The following CADM4 variants were observed in gnomAD, a reference collection of about 807,000 sequenced individuals.
CADM4 encodes the protein TSLC1-like 2.
CADM4 carries 13 observed loss-of-function variants against 43.9 expected under a neutral mutation model. That is an observed-to-expected ratio of 0.30 (90% CI 0.19 to 0.47). CADM4 has a LOEUF of 0.47. CADM4 is among the 20% of genes least tolerant of loss of function. CADM4 has a pLI of 1.00. For synonymous variants in CADM4, 209 were observed against 220.9 expected (o/e 0.95, Z 0.48); for missense variants, 420 against 527.0 (o/e 0.80, Z 1.99).
Position 43,639,737 on chromosome 19 carries a change from C to A in CADM4, c.54G>T (p.Ala18=), listed in dbSNP as rs1246353397. 9.9e-7 allele frequency: 1 copy of A among 1,013,424 alleles called. No individual in the cohort carries two copies. Among genetic ancestry groups the A allele is most frequent in the South Asian group, 3.6e-5 (1 of 27,720 alleles). The allele number at this position is 1,013,424 out of a possible 1,614,324, so 62.8% of individuals were successfully genotyped here. ...GGCCCCCGACCCTACCTGGCCCCGC[C>A]GCGGCCGCCCACAGCAGCAGCAGCG... ...QWPLLLLWAA[A]AGPGAGQEVQ... The change falls in exon 1 of 9, where the codon GCG becomes GCT. Residue 18 remains alanine (A), a synonymous_variant. Transcript: ENST00000222374.
At chr19:43,632,515 T>TC (rs1973640708) in intron 1 of CADM4, among the ~76,000 whole-genome samples, 1 of 152,100 alleles carries the variant, frequency 6.6e-6, no homozygotes, top group Non-Finnish European at 1.5e-5. Flanking sequence ...CCCGGGGACT[T>TC]CAAGGTGCTA....
chr19:43,638,679 A>C (rs1289044416), intron 1 of CADM4, among the ~76,000 whole-genome samples: 1 of 152,180 alleles, frequency 6.6e-6, no homozygotes, highest in Non-Finnish European at 1.5e-5. Context: ...GGCTCCCTGG[A>C]TGTCCTGGAC....
chr19:43,627,794 G>A lies in CADM4; in HGVS notation c.65-4C>T. On this transcript the variant is annotated splice_polypyrimidine_tract_variant and splice_region_variant and intron_variant, in intron 1 of 8. Transcript: ENST00000222374. This position sits in a 1 kb window ranked among gnomAD's most constrained non-coding sequence, Gnocchi z 4.0. ...GTCTGTACTTCCTGTCCTGCCCCTG[G>A]ACGATTAGACAAAGAGACAGGATAG... 6.2e-7 allele frequency: 1 copy of A among 1,603,228 alleles called. No homozygotes were observed. Among genetic ancestry groups the A allele is most frequent in the South Asian group, 1.1e-5 (1 of 90,804 alleles).
chr19:43,638,163 G>A (rs532018803), intron 1 of CADM4, among the ~76,000 whole-genome samples: 1 of 152,340 alleles, frequency 6.6e-6, no homozygotes, highest in South Asian at 2.1e-4. Flanking sequence ...TGAGAGGACA[G>A]CTTTGCCCCT....
rs1973506617 is a variant in CADM4 at position 43,625,333 on chromosome 19, ACT to A, written c.756-85_756-84del. On this transcript the variant is annotated intron_variant, in intron 6 of 8. Transcript: ENST00000222374. The surrounding 1 kb of genome is among the most constrained non-coding windows in gnomAD (Gnocchi z 4.5). ...GACTTGTCAAGAATCTAGACATGCAACTCTCATCCCGCAGGGACCTCCAAATA... is the reference window on the plus strand; with the variant it reads ...GACTTGTCAAGAATCTAGACATGCAACTCATCCCGCAGGGACCTCCAAATA... 4.0e-5 allele frequency: 55 copies of A among 1,385,136 alleles called. No individual in the cohort carries two copies. The highest frequency in any genetic ancestry group is 5.3e-5 in the Non-Finnish European group (54 of 1,020,160). 85.8% of individuals were successfully genotyped at this position (1,385,136 alleles called of 1,614,324 possible).
chr19:43,632,222 T>C (rs866962451), intron 1 of CADM4, among the ~76,000 whole-genome samples: 16 of 152,242 alleles, frequency 1.1e-4, no homozygotes, highest in African/African-American at 3.6e-4. Context: ...CCAATATCCA[T>C]TCCATCAGCA....
upstream of CADM4, chr19:43,639,888 C>G (rs1386534375): frequency 9.8e-5 from 75 of 768,272 alleles, no homozygotes; most frequent in Admixed American, 1.3e-4. Context: ...CCTGCCCGCC[C>G]GGGGGCGGGG....
intron 1 of CADM4, among the ~76,000 whole-genome samples, chr19:43,628,719 C>A (rs1314124291): frequency 1.3e-5 from 2 of 152,210 alleles, no homozygotes; most frequent in African/African-American, 2.4e-5. Context: ...CCTGAAGAGG[C>A]CTTGTAGCTT....
At position 43,626,007 on chromosome 19, in the gene CADM4, A is replaced by C; in HGVS notation, c.665-6T>G. 6.2e-7 allele frequency: 1 copy of C among 1,614,154 alleles called. No homozygotes were observed. Among genetic ancestry groups the C allele is most frequent in the Non-Finnish European group, 8.5e-7 (1 of 1,180,014 alleles). On this transcript the variant is annotated splice_polypyrimidine_tract_variant and splice_region_variant and intron_variant, in intron 5 of 8. Coordinates refer to ENST00000222374, the MANE Select transcript of CADM4 (RefSeq NM_145296.2). This position sits in a 1 kb window ranked among gnomAD's most constrained non-coding sequence, Gnocchi z 5.9. ...AATCCGGGCCGTGGGGGAGTCTGTTAGGCAAAAGTAAGAGGAGAGAGTAGT... is the reference window on the plus strand; with the variant it reads ...AATCCGGGCCGTGGGGGAGTCTGTTCGGCAAAAGTAAGAGGAGAGAGTAGT...
intron 1 of CADM4, among the ~76,000 whole-genome samples, chr19:43,629,282 G>A (rs1292166566): frequency 3.3e-5 from 5 of 152,108 alleles, no homozygotes; most frequent in Admixed American, 6.6e-5. Context: ...CCCATGACCC[G>A]CCTGTATAGG....
chr19:43,637,241 C>T (rs368777716), intron 1 of CADM4, among the ~76,000 whole-genome samples: 54 of 152,250 alleles, frequency 3.5e-4, no homozygotes, highest in South Asian at 1.5e-3. Context: ...CCATCTCCCC[C>T]GATTCCTGCT....
intron 1 of CADM4, among the ~76,000 whole-genome samples, chr19:43,637,219 C>T (rs762086057): frequency 6.6e-6 from 1 of 152,004 alleles, no homozygotes; most frequent in Non-Finnish European, 1.5e-5. Flanking sequence ...TTTAAAATGG[C>T]GCAAATGCAC....
Position 43,625,052 on chromosome 19 carries a change from CTCAGTCGG to C in CADM4, c.928+18_928+25del. ...CGCCACCTGGCGCCCCGCCCCCGCCCTCAGTCGGCCGCAGCCTGCTCTCACCGTAGACC... is the reference window on the plus strand; with the variant it reads ...CGCCACCTGGCGCCCCGCCCCCGCCCCCGCAGCCTGCTCTCACCGTAGACC... On this transcript the variant is annotated intron_variant, in intron 7 of 8. Transcript: ENST00000222374. The surrounding 1 kb of genome is among the most constrained non-coding windows in gnomAD (Gnocchi z 4.5). The C allele has an allele frequency of 6.7e-7, 1 of 1,483,236 alleles. No homozygotes were observed. 91.9% of individuals were successfully genotyped at this position (1,483,236 alleles called of 1,614,324 possible). A position where few individuals can be genotyped will look rare whatever the true frequency, so the allele number is the denominator to read the frequency against.
At chr19:43,628,840 G>A (rs1380690190) in intron 1 of CADM4, among the ~76,000 whole-genome samples, 2 of 152,196 alleles carry the variant, frequency 1.3e-5, no homozygotes, top group African/African-American at 4.8e-5. Flanking sequence ...ATCGCCAGCT[G>A]TGTGAGTGTG....
At position 43,632,406 on chromosome 19, in the gene CADM4, G is replaced by A. The variant is rs567785770; in HGVS notation, c.65-4616C>T. Among the ~76,000 whole-genome samples, 23 of 152,160 alleles carry A rather than the reference G, an allele frequency of 1.5e-4. 1 individual carries two copies. The South Asian group carries it at 2.5e-3, about 16-fold the overall frequency. On this transcript the variant is annotated intron_variant, in intron 1 of 8. Coordinates refer to ENST00000222374, the MANE Select transcript of CADM4 (RefSeq NM_145296.2). ...CAGGGCCATTCTCCACCCAGTGGCCGGATCGATTTTTCAAAGAGGTAAATC... is the reference window on the plus strand; with the variant it reads ...CAGGGCCATTCTCCACCCAGTGGCCAGATCGATTTTTCAAAGAGGTAAATC...
chr19:43,631,113 T>TGGGC (rs1973617318), intron 1 of CADM4, among the ~76,000 whole-genome samples: 1 of 152,002 alleles, frequency 6.6e-6, no homozygotes, highest in Non-Finnish European at 1.5e-5. Flanking sequence ...GAGGCCGAGG[T>TGGGC]GGGCGGATCA....
intron 1 of CADM4, among the ~76,000 whole-genome samples, chr19:43,631,881 T>C (rs1026620724): frequency 4.6e-5 from 7 of 152,202 alleles, no homozygotes; most frequent in African/African-American, 1.7e-4. Context: ...TTTTATGTTT[T>C]AGTGTAACGC....
At position 43,625,166 on chromosome 19, in the gene CADM4, A is replaced by G; in HGVS notation, c.840T>C (p.Gly280=). The G allele has an allele frequency of 6.2e-7, 1 of 1,613,958 alleles. No individual in the cohort carries two copies. Among genetic ancestry groups the G allele is most frequent in the Non-Finnish European group, 8.5e-7 (1 of 1,179,956 alleles). Residue 280 remains glycine, a synonymous_variant, in exon 7 of 9, where the codon GGT becomes GGC. Coordinates refer to ENST00000222374, the MANE Select transcript of CADM4 (RefSeq NM_145296.2). The surrounding 1 kb of genome is among the most constrained non-coding windows in gnomAD (Gnocchi z 4.5). ...AGGTGCCGTTATCCGCGGATACCAG[A>G]CCCGGCAGCGTGAGCGTCTCTCCCA... is the stretch of plus-strand genomic sequence containing the variant. ...EAVGETLTLP[G]LVSADNGTYT...
rs1195159527 is a variant in CADM4 at position 43,633,689 on chromosome 19, T to G, written c.65-5899A>C. On this transcript the variant is annotated intron_variant, in intron 1 of 8. Coordinates refer to ENST00000222374, the MANE Select transcript of CADM4 (RefSeq NM_145296.2). The stretch of plus-strand genomic sequence containing the variant: ...CTCTTTCTTTCTCTTTCTTTCTTTT[T>G]TCTTTTTTTGAGATAAGGTCTCGCT... Among the ~76,000 whole-genome samples the G allele has an allele frequency of 3.3e-5, 5 of 151,492 alleles. No homozygotes were observed. In the East Asian group the frequency reaches 9.8e-4, roughly 30 times the overall value.
Sources: allele counts gnomAD v4.1 joint callset (sites outside exome capture counted in the v4.1 genomes callset), GRCh38; gene constraint gnomAD v4.1.1; non-coding constraint Gnocchi (gnomAD v3.1); transcripts MANE v1.5; gene names NCBI Gene and HGNC (gene_info 2026-07-23, HGNC 2026-07-21).